Variants in RYR1 observed in about 807,000 individuals in gnomAD.
RYR1 encodes ryanodine receptor 1, also known as central core disease of muscle.
A neutral mutation model predicts 583.5 loss-of-function variants in RYR1; 342 were observed. The observed-to-expected ratio is 0.59, with a 90% CI of 0.54 to 0.64. The LOEUF is 0.64. Among genes scored for constraint, RYR1 ranks in the 30% least tolerant of loss-of-function variants. The pLI is 0.00. For missense variants in RYR1, 6,032 were observed against 6,917.2 expected, an observed-to-expected ratio of 0.87 and a Z score of 4.54; for synonymous variants, 2,791 against 2,822.5, an observed-to-expected ratio of 0.99 and a Z score of 0.35.
intron 95 of RYR1, 130 bp downstream of exon 95, chr19:38,572,400 A>T: frequency 1.4e-5 from 15 of 1,065,074 alleles, no homozygotes; most frequent in Non-Finnish European, 1.9e-5. Context: ...GGTTGGGGTG[A>T]GGGCTGGGGA....
In RYR1 at chr19:38,585,078, A is replaced by G. The variant is rs1286759539; in HGVS notation, c.14782A>G (p.Ile4928Val). The G allele has an allele frequency of 6.2e-7, 1 of 1,613,710 alleles. No individual in the cohort carries two copies. Among genetic ancestry groups the G allele is most frequent in the Non-Finnish European group, 8.5e-7 (1 of 1,179,934 alleles). ...CACCTTCTTCTTCTTCGTCATCGTC[A>G]TCCTGTTGGCCATCATCCAGGGTCA... is the stretch of plus-strand genomic sequence containing the variant. ...DITFFFFVIVILLAIIQGLII... is the reference protein window; with the variant it reads ...DITFFFFVIVVLLAIIQGLII... Residue 4928 changes from isoleucine to valine, a missense_variant, in exon 102 of 106, where the codon ATC becomes GTC. Physicochemically the swap from Ile to Val is conservative, Grantham distance 29 (BLOSUM62 3). Transcript: ENST00000359596.
chr19:38,456,813 A>G (rs1417397191), intron 16 of RYR1, among the ~76,000 whole-genome samples: 20 of 151,130 alleles, frequency 1.3e-4, no homozygotes, highest in South Asian at 4.2e-4. Context: ...TTGGGAGGCC[A>G]AGGCGGGCGG....
rs144685735 is a variant in RYR1, at chr19:38,548,259, C to T, written c.12121C>T (p.Arg4041Trp). 1.5e-5 allele frequency: 24 copies of T among 1,614,046 alleles called. No homozygotes were observed. The highest frequency in any genetic ancestry group is 4.5e-5 in the East Asian group (2 of 44,886). ...GAACGTGGTGAACGGCATGATCGCC[C>T]GGCAGATGGTGGACATGCTCGTGGA... is the stretch of plus-strand genomic sequence containing the variant. Reference protein sequence around the residue: ...EGNVVNGMIARQMVDMLVESS... With the variant: ...EGNVVNGMIAWQMVDMLVESS... The change falls in exon 89 of 106, where the codon CGG becomes TGG. Residue 4041 changes from arginine (R) to tryptophan (W), a missense_variant. By Grantham distance (101) the Arg-to-Trp change is moderately radical. This residue lies in a region of RYR1 where 82 missense variants were observed against 139.7 expected (regional missense o/e 0.59). Transcript: ENST00000359596.
intron 34 of RYR1, 81 bp from the exon 35 acceptor site, chr19:38,489,096 G>A (rs1274674654): frequency 4.2e-6 from 5 of 1,202,102 alleles, no homozygotes; most frequent in Non-Finnish European, 6.2e-6. Flanking sequence ...GTGCATGAGG[G>A]GCAGGTCTGG....
chr19:38,532,246 C>G (rs185235124), intron 76 of RYR1, among the ~76,000 whole-genome samples: 14 of 151,922 alleles, frequency 9.2e-5, no homozygotes, highest in African/African-American at 3.1e-4. Flanking sequence ...CTCAGCCTCC[C>G]GAGTAGCTGG....
chr19:38,486,472 T>TAGC (rs1268777032), intron 34 of RYR1, among the ~76,000 whole-genome samples: 1 of 152,132 alleles, frequency 6.6e-6, no homozygotes, highest in African/African-American at 2.4e-5. Flanking sequence ...GCCCCCCGAG[T>TAGC]AGCGGGGACT....
rs770719689 is a variant in RYR1, at chr19:38,502,685, C to T, written c.7793C>T (p.Ala2598Val). The change falls in exon 48 of 106, where the codon GCG becomes GTG. Residue 2598 changes from alanine to valine, a missense_variant. Ala to Val is a moderately conservative substitution (Grantham distance 64). This residue lies in a region of RYR1 where 250 missense variants were observed against 162.3 expected (regional missense o/e 1.54). Transcript: ENST00000359596. ...TCTCGGGGTCGTTCGCTCACCAAGG[C>T]GCAGCGTGACGTCATCGAGGACTGC... is the stretch of plus-strand genomic sequence containing the variant. ...RLSRGRSLTK[A>V]QRDVIEDCLM... 2.5e-6 allele frequency: 4 copies of T among 1,607,756 alleles called. No individual in the cohort carries two copies. Among genetic ancestry groups the T allele is most frequent in the East Asian group, 4.5e-5 (2 of 44,742 alleles).
At position 38,525,437 on chromosome 19, in the gene RYR1, G is replaced by A. The variant is rs1420692006; in HGVS notation, c.10561G>A (p.Gly3521Ser). 3.1e-6 allele frequency: 5 copies of A among 1,613,770 alleles called. No individual in the cohort carries two copies. Among genetic ancestry groups the A allele is most frequent in the Admixed American group, 1.7e-5 (1 of 59,960 alleles). Residue 3521 changes from glycine to serine, a missense_variant, in exon 71 of 106, where the codon GGC becomes AGC. By Grantham distance (56) the Gly-to-Ser change is moderately conservative (BLOSUM62 0). Transcript: ENST00000359596. ...CACACTGAAGAAGATGCTGCCCATC[G>A]GCCTGAATATGTGTGCGCCCACCGA... Reference protein sequence around the residue: ...VATLKKMLPIGLNMCAPTDQD... With the variant: ...VATLKKMLPISLNMCAPTDQD...
intron 20 of RYR1, among the ~76,000 whole-genome samples, chr19:38,461,519 C>T (rs915332117): frequency 2.0e-5 from 3 of 151,754 alleles, no homozygotes; most frequent in African/African-American, 4.8e-5. Flanking sequence ...CTTGAGTCCA[C>T]GAGTTTGAGA....
chr19:38,448,346 C>T lies in RYR1; in HGVS notation c.801-9C>T, dbSNP rs1211854526. 6.2e-7 allele frequency: 1 copy of T among 1,606,324 alleles called. No homozygotes were observed. Among genetic ancestry groups the T allele is most frequent in the Admixed American group, 1.7e-5 (1 of 60,008 alleles). ...TCCTCTGACTCCCCTTGGCTCTCAC[C>T]CTCCACAGCTGGAGTGGGAGCCACC... On this transcript the variant is annotated splice_polypyrimidine_tract_variant and intron_variant, in intron 9 of 105. Transcript: ENST00000359596.
At chr19:38,527,237 A>C (rs1971505529) in intron 72 of RYR1, among the ~76,000 whole-genome samples, 185 bp downstream of exon 72, 1 of 152,242 alleles carries the variant, frequency 6.6e-6, no homozygotes, top group Admixed American at 6.5e-5. Context: ...TAGGCCGGGC[A>C]CAATGGCTCA....
intron 69 of RYR1, chr19:38,523,598 A>T (rs1971321529): frequency 1.8e-6 from 1 of 567,226 alleles, no homozygotes; most frequent in South Asian, 2.2e-5. Context: ...CCTCCTCTCC[A>T]TTTTCCTCTT....
chr19:38,586,251 TG>T, intron 104 of RYR1, 60 bp downstream of exon 104: 3 of 1,470,622 alleles, frequency 2.0e-6, no homozygotes, highest in Non-Finnish European at 2.8e-6. Flanking sequence ...TAGCCAGCAG[TG>T]GGGTACTTAG....
intron 67 of RYR1, 29 bp downstream of exon 67, chr19:38,519,483 C>T: frequency 6.4e-7 from 1 of 1,573,046 alleles, no homozygotes; most frequent in Non-Finnish European, 8.6e-7. Flanking sequence ...TCCCCATGCC[C>T]TCCGCCCCGA....
intron 101 of RYR1, among the ~76,000 whole-genome samples, chr19:38,582,699 A>G (rs547614753): frequency 6.6e-6 from 1 of 152,290 alleles, no homozygotes; most frequent in South Asian, 2.1e-4. Flanking sequence ...TTCAATGCAC[A>G]TTTATATTTT....
chr19:38,455,415 C>T, intron 14 of RYR1, 36 bp from the exon 15 acceptor site: 2 of 1,613,790 alleles, frequency 1.2e-6, no homozygotes, highest in Non-Finnish European at 1.7e-6. Flanking sequence ...CCCAGATCCC[C>T]AGTCCTATTG....
chr19:38,461,812 T>C (rs113253831), intron 20 of RYR1, among the ~76,000 whole-genome samples: 4,908 of 150,290 alleles, frequency 0.033, 240 homozygotes, highest in African/African-American at 0.11. Flanking sequence ...CTCAGCACTT[T>C]GGGAGGCTGA....
Position 38,433,874 on chromosome 19 carries a change from G to C in RYR1, c.45G>C (p.Thr15=), listed in dbSNP as rs200117623. Residue 15 remains threonine (T), a splice_region_variant and synonymous_variant, in exon 1 of 106, where the codon ACG becomes ACC. Coordinates refer to ENST00000359596, the MANE Select transcript of RYR1 (RefSeq NM_000540.3). ...AAGACGAGGTCCAGTTCCTGCGGACGGTGCGTATCTCTGGGTTAGGGGCCT... is the reference window on the plus strand; with the variant it reads ...AAGACGAGGTCCAGTTCCTGCGGACCGTGCGTATCTCTGGGTTAGGGGCCT... ...EGEDEVQFLR[T]DDEVVLQCSA... 1 of 1,613,278 alleles carries C rather than the reference G, an allele frequency of 6.2e-7. No individual in the cohort carries two copies. The highest frequency in any genetic ancestry group is 1.3e-5 in the African/African-American group (1 of 74,848).
At chr19:38,497,366 G>A (rs987395486) in intron 42 of RYR1, among the ~76,000 whole-genome samples, 2 of 152,116 alleles carry the variant, frequency 1.3e-5, no homozygotes, top group Non-Finnish European at 2.9e-5. Flanking sequence ...TTCGCTCTCC[G>A]AGCTTCCACT....
Sources: allele counts gnomAD v4.1 joint callset (sites outside exome capture counted in the v4.1 genomes callset), GRCh38; gene constraint gnomAD v4.1.1; regional missense constraint gnomAD v4.1.1; transcripts MANE v1.5; gene names NCBI Gene and HGNC (gene_info 2026-07-23, HGNC 2026-07-21).